The following CAPN2 variants were observed in gnomAD, a reference collection of about 807,000 sequenced individuals.
The protein encoded by CAPN2 is calpain 2, also known as calpain-2 catalytic subunit.
CAPN2 carries 92 observed loss-of-function variants against 102.3 expected under a neutral mutation model. The observed-to-expected ratio is 0.90, with a 90% CI of 0.76 to 1.07. The LOEUF (loss-of-function observed/expected upper bound fraction) is 1.07, where lower values mean the gene tolerates loss of function less well. CAPN2 is among the 50% of genes least tolerant of loss of function. CAPN2 has a pLI of 0.00. For synonymous variants in CAPN2, 340 were observed against 355.4 expected (o/e 0.96, Z 0.49); for missense variants, 800 against 909.4 (o/e 0.88, Z 1.55).
At chr1:223,740,339 G>T (rs1395869275) in intron 2 of CAPN2, among the ~76,000 whole-genome samples, 1 of 152,152 alleles carries the variant, frequency 6.6e-6, no homozygotes, top group East Asian at 1.9e-4. Context: ...CTGTGAAAGG[G>T]TACACTCACC....
In CAPN2 at chr1:223,770,521, A is replaced by G. The variant is rs753976140; in HGVS notation, c.1899A>G (p.Glu633=). The G allele has an allele frequency of 3.7e-6, 6 of 1,610,706 alleles. No individual in the cohort carries two copies. In the South Asian group the frequency reaches 6.6e-5, roughly 18 times the overall value. Reference sequence around the variant, plus strand: ...ATGAAATGCGGAAGGCATTAGAAGAAGCAGGTAACCCTTTATAACTGCATT... The same window carrying G: ...ATGAAATGCGGAAGGCATTAGAAGAGGCAGGTAACCCTTTATAACTGCATT... The part of the protein sequence containing the change: ...NSYEMRKALE[E]AGFKMPCQLH... Residue 633 remains glutamate (E), a synonymous_variant, in exon 18 of 21, where the codon GAA becomes GAG. Coordinates refer to ENST00000295006, the MANE Select transcript of CAPN2 (RefSeq NM_001748.5).
In CAPN2 at chr1:223,715,987, A is replaced by G. The variant is rs1659864449; in HGVS notation, c.238-1775A>G. Among the ~76,000 whole-genome samples, 3 of 152,192 alleles carry G rather than the reference A, an allele frequency of 2.0e-5. No homozygotes were observed. The East Asian group carries it at 5.8e-4, about 29-fold the overall frequency. ...TTTCATCGTTCCCATTTTGCAGGTG[A>G]AAAAACTGAGACTTCAAAAGGTTAA... is the stretch of plus-strand genomic sequence containing the variant. On this transcript the variant is annotated intron_variant, in intron 1 of 20. Transcript: ENST00000295006.
Position 223,744,165 on chromosome 1 carries a change from G to A in CAPN2, c.373G>A (p.Val125Ile), listed in dbSNP as rs375820403. Reference protein sequence around the residue: ...TLNEEILARVVPLNQSFQENY... With the variant: ...TLNEEILARVIPLNQSFQENY... ...GAATGAAGAAATCCTGGCTCGAGTC[G>A]TCCCCCTAAACCAGAGCTTCCAGGA... The change falls in exon 3 of 21, where the codon GTC becomes ATC. Residue 125 changes from valine to isoleucine, a missense_variant. Transcript: ENST00000295006. The A allele has an allele frequency of 7.9e-5, 127 of 1,614,064 alleles. 3 individuals carry two copies. The South Asian group carries it at 9.2e-4, about 12-fold the overall frequency.
rs1182801582 is a variant in CAPN2, at chr1:223,726,208, A to C, written c.307+8377A>C. On this transcript the variant is annotated intron_variant, in intron 2 of 20. Coordinates refer to ENST00000295006, the MANE Select transcript of CAPN2 (RefSeq NM_001748.5). The surrounding 1 kb of genome is among the most constrained non-coding windows in gnomAD (Gnocchi z 4.4). ...TAAGAAAGGAGAGTTCCTGAAGAGC[A>C]GGAATTTAAGACAGGAATTGGCAGC... 6.6e-6 allele frequency among the ~76,000 whole-genome samples: 1 copy of C among 152,242 alleles called. No individual in the cohort carries two copies. Among genetic ancestry groups the C allele is most frequent in the Non-Finnish European group, 1.5e-5 (1 of 68,050 alleles).
rs28370149 is a variant in CAPN2, at chr1:223,766,232, T to C, written c.1691-135T>C. ...CCCAGTCTGGTAGTCACTAGCCACA[T>C]GTGGCTATTTAATATAATGGAAGTG... On this transcript the variant is annotated intron_variant, in intron 15 of 20. Coordinates refer to ENST00000295006, the MANE Select transcript of CAPN2 (RefSeq NM_001748.5). 5.0e-3 allele frequency: 3,348 copies of C among 672,098 alleles called. 79 individuals are homozygous for C. The African/African-American group carries it at 0.053, about 11-fold the overall frequency. The allele number at this position is 672,098 out of a possible 1,614,324, so 41.6% of individuals were successfully genotyped here.
At chr1:223,758,418 G>C (rs948739239) in intron 11 of CAPN2, 1 of 152,264 alleles carries the variant, frequency 6.6e-6, no homozygotes, top group Non-Finnish European at 1.5e-5. Context: ...GCCTTGGTCC[G>C]GTGGATCATG....
chr1:223,741,065 G>C (rs1255295761), intron 2 of CAPN2, among the ~76,000 whole-genome samples: 1 of 152,216 alleles, frequency 6.6e-6, no homozygotes, highest in Non-Finnish European at 1.5e-5. Flanking sequence ...GAACTGTTCT[G>C]TGACAAGGAA....
chr1:223,757,366 C>A lies in CAPN2; in HGVS notation c.1306-3C>A. ...TCTGAATTGCATCTCCTTTATTTTG[C>A]AGGTTCCAGAGGAGGTACGTCTGGC... On this transcript the variant is annotated splice_polypyrimidine_tract_variant and splice_region_variant and intron_variant, in intron 10 of 20. Transcript: ENST00000295006. 6.2e-7 allele frequency: 1 copy of A among 1,614,158 alleles called. No individual in the cohort carries two copies. Among genetic ancestry groups the A allele is most frequent in the Non-Finnish European group, 8.5e-7 (1 of 1,180,012 alleles).
At chr1:223,724,814 A>T (rs867375510) in intron 2 of CAPN2, among the ~76,000 whole-genome samples, 46 of 152,080 alleles carry the variant, frequency 3.0e-4, no homozygotes, top group East Asian at 7.8e-4. Flanking sequence ...ACAAAAAAAA[A>T]TTTTTTTAAT....
Position 223,725,849 on chromosome 1 carries a change from C to G in CAPN2, c.307+8018C>G, listed in dbSNP as rs1571787374. On this transcript the variant is annotated intron_variant, in intron 2 of 20. Coordinates refer to ENST00000295006, the MANE Select transcript of CAPN2 (RefSeq NM_001748.5). This position sits in a 1 kb window ranked among gnomAD's most constrained non-coding sequence, Gnocchi z 4.1. ...ACGTGCTTCCAGTACCTTGTGATCT[C>G]TAGCCATAAGTTTCCACTCACCCAT... Among the ~76,000 whole-genome samples the G allele has an allele frequency of 6.6e-6, 1 of 152,220 alleles. No homozygotes were observed.
upstream of CAPN2, among the ~76,000 whole-genome samples, chr1:223,712,108 G>A (rs1571776563): frequency 6.6e-6 from 1 of 152,280 alleles, no homozygotes; most frequent in East Asian, 1.9e-4. Context: ...CTTCAGAGTC[G>A]CTGGGAGGAT....
intron 2 of CAPN2, among the ~76,000 whole-genome samples, chr1:223,730,871 G>A (rs934546288): frequency 2.6e-5 from 4 of 152,200 alleles, no homozygotes; most frequent in African/African-American, 9.7e-5. Context: ...TTTTCGACTT[G>A]CAATATTTTC....
chr1:223,730,866 G>C (rs925913421), intron 2 of CAPN2, among the ~76,000 whole-genome samples: 2 of 152,142 alleles, frequency 1.3e-5, no homozygotes, highest in Admixed American at 1.3e-4. Flanking sequence ...ATGCATTTTC[G>C]ACTTGCAATA....
At chr1:223,773,645 G>A (rs1490975106) in intron 20 of CAPN2, among the ~76,000 whole-genome samples, 1 of 151,918 alleles carries the variant, frequency 6.6e-6, no homozygotes, top group Admixed American at 6.6e-5. Flanking sequence ...GGCGAGCTGA[G>A]ATTGCACCAT....
rs768761237 is a variant in CAPN2, at chr1:223,759,280, A to G, written c.1328A>G (p.Gln443Arg). ...CTATTTATTCCTCAGTTAAGTGGGC[A>G]GACCAACATCCACCTCAGCAAAAAC... is the stretch of plus-strand genomic sequence containing the variant. ...IYEVPEELSGQTNIHLSKNFF... is the reference protein window; with the variant it reads ...IYEVPEELSGRTNIHLSKNFF... Residue 443 changes from glutamine (Q) to arginine (R), a missense_variant, in exon 12 of 21, where the codon CAG (glutamine) becomes CGG (arginine). Coordinates refer to ENST00000295006, the MANE Select transcript of CAPN2 (RefSeq NM_001748.5). This position sits in a 1 kb window ranked among gnomAD's most constrained non-coding sequence, Gnocchi z 4.6. 1.2e-6 allele frequency: 2 copies of G among 1,614,032 alleles called. No homozygotes were observed. Among genetic ancestry groups the G allele is most frequent in the East Asian group, 2.2e-5 (1 of 44,900 alleles).
chr1:223,713,335 G>A (rs1659792024), intron 1 of CAPN2, among the ~76,000 whole-genome samples: 1 of 152,184 alleles, frequency 6.6e-6, no homozygotes, highest in Admixed American at 6.5e-5. Context: ...GAGGGGGACA[G>A]GCCATAGCCT....
chr1:223,742,954 A>G (rs548015342), intron 2 of CAPN2, among the ~76,000 whole-genome samples: 1 of 152,146 alleles, frequency 6.6e-6, no homozygotes, highest in Non-Finnish European at 1.5e-5. Flanking sequence ...AATGGAGTAA[A>G]CTTCCTCATC....
chr1:223,712,558 C>G lies in CAPN2; in HGVS notation c.-83C>G. The G allele has an allele frequency of 7.6e-7, 1 of 1,320,080 alleles. No homozygotes were observed. Among genetic ancestry groups the G allele is most frequent in the Non-Finnish European group, 9.6e-7 (1 of 1,039,256 alleles). 81.8% of individuals were successfully genotyped at this position (1,320,080 alleles called of 1,614,324 possible). A position where few individuals can be genotyped will look rare whatever the true frequency, so the allele number is the denominator to read the frequency against. On this transcript the variant is annotated 5_prime_UTR_variant, in exon 1 of 21. Coordinates refer to ENST00000295006, the MANE Select transcript of CAPN2 (RefSeq NM_001748.5). ...GCCCGCAGTGGCCGCAGCAGCGCGC[C>G]GGGCCCTGGCCGCGCCCCAGCCGAG...
At chr1:223,753,087 C>G (rs1484412993) in intron 9 of CAPN2, 131 bp downstream of exon 9, 4 of 776,234 alleles carry the variant, frequency 5.2e-6, no homozygotes, top group Admixed American at 2.4e-5. Context: ...CTGGAACCCT[C>G]TCTGTCTTCT....
Sources: gnomAD v4.1 joint callset for allele counts (sites outside exome capture counted in the v4.1 genomes callset) on GRCh38, gnomAD v4.1.1 for gene constraint, Gnocchi (gnomAD v3.1) non-coding constraint, MANE v1.5 for transcripts, NCBI Gene and HGNC (gene_info 2026-07-23, HGNC 2026-07-21) for gene names.